The following TESC variants were observed in gnomAD, a reference collection of about 807,000 sequenced individuals.
The protein encoded by TESC is tescalcin, also known as calcineurin B homologous protein 3.
Under a neutral mutation model 31.0 loss-of-function variants are expected in TESC, and 19 were observed. The ratio of observed to expected loss-of-function variants is 0.61; its 90% CI spans 0.43 to 0.90. The LOEUF is 0.90. TESC is among the 40% of genes least tolerant of loss of function. TESC has a pLI of 0.00. For missense variants in TESC, 248 were observed against 303.8 expected (o/e 0.82, Z 1.36); for synonymous variants, 109 against 114.8 (o/e 0.95, Z 0.32).
chr12:117,046,405 C>A, intron 6 of TESC, 154 bp downstream of exon 6: 1 of 698,156 alleles, frequency 1.4e-6, no homozygotes, highest in Non-Finnish European at 2.3e-6. Context: ...TCCTGGGGGA[C>A]AGGAAGGGCT....
chr12:117,058,581 A>G (rs1051169759), intron 2 of TESC, among the ~76,000 whole-genome samples: 8 of 151,614 alleles, frequency 5.3e-5, no homozygotes, highest in South Asian at 2.1e-4. Context: ...AAAAAAAAAA[A>G]AAAGCCAGCC....
At position 117,049,094 on chromosome 12, in the gene TESC, T is replaced by C. The variant is rs530406783; in HGVS notation, c.274A>G (p.Met92Val). The C allele has an allele frequency of 3.1e-6, 5 of 1,614,226 alleles. No individual in the cohort carries two copies. Among genetic ancestry groups the C allele is most frequent in the East Asian group, 2.2e-5 (1 of 44,884 alleles). ...GTGTCGATGGGCCGGAAGTAGGACA[T>C]GATGGTCAGGAAGTCCTCGAAATTG... The part of the protein sequence containing the change: ...EINFEDFLTI[M>V]SYFRPIDTTM... Residue 92 changes from methionine (M) to valine (V), a missense_variant, in exon 4 of 8, where the codon ATG becomes GTG. Met to Val is a conservative substitution (Grantham distance 21, BLOSUM62 1). Transcript: ENST00000335209.
chr12:117,081,701 T>A (rs1198920200), intron 1 of TESC, among the ~76,000 whole-genome samples: 3 of 150,648 alleles, frequency 2.0e-5, no homozygotes, highest in African/African-American at 7.3e-5. Flanking sequence ...GTCAGGAGTT[T>A]GAGACCAGCC....
At chr12:117,059,829 T>C (rs1954776782) in intron 2 of TESC, among the ~76,000 whole-genome samples, 1 of 152,120 alleles carries the variant, frequency 6.6e-6, no homozygotes, top group Admixed American at 6.5e-5. Context: ...TGACCTCAGG[T>C]AATCCACCCA....
chr12:117,041,878 C>A, intron 7 of TESC, 69 bp downstream of exon 7: 5 of 1,469,046 alleles, frequency 3.4e-6, no homozygotes, highest in Non-Finnish European at 4.6e-6. Flanking sequence ...GAGCCATGTC[C>A]CCTCCTGACC....
At chr12:117,068,244 G>C (rs1383811571) in intron 2 of TESC, among the ~76,000 whole-genome samples, 2 of 152,072 alleles carry the variant, frequency 1.3e-5, no homozygotes, top group Non-Finnish European at 2.9e-5. Flanking sequence ...GAACACTGCT[G>C]AGGGCCTGGG....
At chr12:117,085,106 G>A (rs993653162) in intron 1 of TESC, among the ~76,000 whole-genome samples, 63 of 152,372 alleles carry the variant, frequency 4.1e-4, no homozygotes, top group African/African-American at 1.4e-3. Flanking sequence ...GGGAGCAGGA[G>A]GTGATGCCCA....
Position 117,046,611 on chromosome 12 carries a change from G to A in TESC, c.467C>T (p.Ser156Phe). ...NPHIEKESAR[S>F]IADGAMMEAA... ...CTCCATCATGGCCCCGTCGGCGATG[G>A]AGCGAGCGGACTCCTTCTCGATGTG... The change falls in exon 6 of 8, where the codon TCC (serine) becomes TTC (phenylalanine). Residue 156 changes from serine to phenylalanine, a missense_variant. Ser to Phe is a radical substitution (Grantham distance 155). Coordinates refer to ENST00000335209, the MANE Select transcript of TESC (RefSeq NM_017899.4). 6.4e-7 allele frequency: 1 copy of A among 1,551,488 alleles called. No individual in the cohort carries two copies. Among genetic ancestry groups the A allele is most frequent in the East Asian group, 2.4e-5 (1 of 40,910 alleles).
intron 3 of TESC, among the ~76,000 whole-genome samples, chr12:117,050,206 C>T (rs975513729): frequency 6.6e-6 from 1 of 151,984 alleles, no homozygotes; most frequent in Non-Finnish European, 1.5e-5. Flanking sequence ...ATGTCAGTGT[C>T]CATAAATAAA....
chr12:117,047,263 G>A (rs566700593), intron 4 of TESC, among the ~76,000 whole-genome samples: 12 of 152,290 alleles, frequency 7.9e-5, no homozygotes, highest in Non-Finnish European at 1.5e-4. Context: ...AGCAGGTCAC[G>A]GTCCACAGTG....
chr12:117,061,782 A>C (rs574534127), intron 2 of TESC, among the ~76,000 whole-genome samples: 1 of 152,068 alleles, frequency 6.6e-6, no homozygotes, highest in Non-Finnish European at 1.5e-5. Context: ...AATCCTTCCC[A>C]TATCAAAGGG....
chr12:117,043,690 T>C (rs7956233), intron 6 of TESC, among the ~76,000 whole-genome samples: 21,370 of 152,078 alleles, frequency 0.14, 1,714 homozygotes, highest in Middle Eastern at 0.22. Context: ...GGTCTCGAAC[T>C]CCTGACCTCA....
chr12:117,094,216 T>C (rs1470516259), intron 1 of TESC, among the ~76,000 whole-genome samples: 1 of 152,154 alleles, frequency 6.6e-6, no homozygotes, highest in Non-Finnish European at 1.5e-5. Flanking sequence ...TCGTTTCCGG[T>C]TTAAATCAAT....
intron 1 of TESC, among the ~76,000 whole-genome samples, chr12:117,095,028 A>G (rs556109663): frequency 6.6e-6 from 1 of 151,628 alleles, no homozygotes; most frequent in South Asian, 2.1e-4. Context: ...AAAAAAAAAA[A>G]AAAGAGAGAG....
intron 3 of TESC, among the ~76,000 whole-genome samples, chr12:117,053,557 T>G (rs2135756975): frequency 6.6e-6 from 1 of 152,202 alleles, no homozygotes; most frequent in Non-Finnish European, 1.5e-5. Flanking sequence ...TACACTAAAA[T>G]GCACAGATCT....
In TESC at chr12:117,069,623, C is replaced by T. The variant is rs540209634; in HGVS notation, c.128+5648G>A. Among the ~76,000 whole-genome samples the T allele has an allele frequency of 2.3e-3, 343 of 152,224 alleles. 1 individual carries two copies. The highest frequency in any genetic ancestry group is 5.6e-3 in the Admixed American group (85 of 15,284). ...GGCCTTGAAGTGGGGCTTTCAATGC[C>T]GCAAGACGAACCCTCCCCTAGATGT... On this transcript the variant is annotated intron_variant, in intron 2 of 7. Coordinates refer to ENST00000335209, the MANE Select transcript of TESC (RefSeq NM_017899.4).
In TESC at chr12:117,099,227, C is replaced by A. The variant is rs1955439165; in HGVS notation, c.56G>T (p.Gly19Val). The A allele has an allele frequency of 2.0e-6, 3 of 1,481,084 alleles. No individual in the cohort carries two copies. Among genetic ancestry groups the A allele is most frequent in the East Asian group, 2.9e-5 (1 of 33,910 alleles). 91.7% of individuals were successfully genotyped at this position (1,481,084 alleles called of 1,614,324 possible). A position where few individuals can be genotyped will look rare whatever the true frequency, so the allele number is the denominator to read the frequency against. ...CGCCGCCCCCCGCGGGTACTCACAG[C>A]CGGTCTTGCCCTCGAGCTCCCGCAC... Reference protein sequence around the residue: ...EEVRELEGKTGFSSDQIEQLH... With the variant: ...EEVRELEGKTVFSSDQIEQLH... The change falls in exon 1 of 8, where the codon GGC becomes GTC. Residue 19 changes from glycine (G) to valine (V), a missense_variant and splice_region_variant. Physicochemically the swap from Gly to Val is moderately radical, Grantham distance 109 (BLOSUM62 -3). Transcript: ENST00000335209.
At chr12:117,042,036 C>G in intron 6 of TESC, 42 bp from the exon 7 acceptor site, 1 of 1,568,866 alleles carries the variant, frequency 6.4e-7, no homozygotes, top group Non-Finnish European at 8.6e-7. Context: ...TGGCGCAGGT[C>G]CCCACACAGC....
chr12:117,075,889 A>ATATATATATATATGTGTGTGTG (rs1955056095), intron 1 of TESC, among the ~76,000 whole-genome samples: 1 of 71,816 alleles, frequency 1.4e-5, no homozygotes, highest in African/African-American at 8.4e-5. Context: ...ATATATATAT[A>ATATATATATATATGTGTGTGTG]TATATATATA....
Sources: allele counts gnomAD v4.1 joint callset (sites outside exome capture counted in the v4.1 genomes callset), GRCh38; gene constraint gnomAD v4.1.1; transcripts MANE v1.5; gene names NCBI Gene and HGNC (gene_info 2026-07-23, HGNC 2026-07-21).